The following LAMC2 variants were observed in gnomAD, a reference collection of about 807,000 sequenced individuals.
The protein encoded by LAMC2 is laminin subunit gamma 2.
A neutral mutation model predicts 140.2 loss-of-function variants in LAMC2; 97 were observed. The ratio of observed to expected loss-of-function variants is 0.69; its 90% CI spans 0.59 to 0.82. The LOEUF is 0.82. Among genes scored for constraint, LAMC2 ranks in the 40% least tolerant of loss-of-function variants. LAMC2 has a pLI of 0.00. For synonymous variants in LAMC2, 513 were observed against 540.2 expected (o/e 0.95, Z 0.70); for missense variants, 1,402 against 1,476.1 (o/e 0.95, Z 0.82).
At chr1:183,191,766 G>A (rs1571497714) in intron 1 of LAMC2, among the ~76,000 whole-genome samples, 1 of 152,156 alleles carries the variant, frequency 6.6e-6, no homozygotes, top group African/African-American at 2.4e-5. Flanking sequence ...GGCTGAGGCA[G>A]GGGGACTGCT....
intron 22 of LAMC2, among the ~76,000 whole-genome samples, chr1:183,242,326 T>C (rs1660153197): frequency 6.6e-6 from 1 of 152,206 alleles, no homozygotes; most frequent in Non-Finnish European, 1.5e-5. Context: ...CTCTCTTAAG[T>C]CCTGGAGCAA....
rs1481217198 is a variant in LAMC2, at chr1:183,239,392, A to G, written c.2898A>G (p.Lys966=). 1 of 1,614,212 alleles carries G rather than the reference A, an allele frequency of 6.2e-7. No individual in the cohort carries two copies. ...REFDLQVDNR[K]AEAEEAMKRL... is the part of the protein sequence containing the mutation. Reference sequence around the variant, plus strand: ...TTGACCTGCAGGTGGACAACAGAAAAGCAGAAGCTGAAGAAGCCATGAAGA... The same window carrying G: ...TTGACCTGCAGGTGGACAACAGAAAGGCAGAAGCTGAAGAAGCCATGAAGA... Residue 966 remains lysine, a synonymous_variant, in exon 20 of 23, where the codon AAA becomes AAG. Coordinates refer to ENST00000264144, the MANE Select transcript of LAMC2 (RefSeq NM_005562.3).
Position 183,239,538 on chromosome 1 carries a change from T to C in LAMC2, c.3044T>C (p.Leu1015Pro). 6.2e-7 allele frequency: 1 copy of C among 1,613,602 alleles called. No homozygotes were observed. Among genetic ancestry groups the C allele is most frequent in the Non-Finnish European group, 8.5e-7 (1 of 1,179,846 alleles). ...GCAAAGAATGGGGCCGGGGAGGCCC[T>C]GGAAATCTCCAGTGAGATTGAACAG... ...QRAKNGAGEA[L>P]EISSEIEQEI... Residue 1015 changes from leucine (L) to proline (P), a missense_variant, in exon 20 of 23, where the codon CTG becomes CCG. Physicochemically the swap from Leu to Pro is moderately conservative, Grantham distance 98. Transcript: ENST00000264144.
the LAMC2 span, chr1:183,252,434 C>T: frequency 2.9e-6 from 1 of 347,786 alleles, no homozygotes; most frequent in Admixed American, 3.8e-5. Flanking sequence ...CCACCCCCAA[C>T]CCGGAGACTA....
chr1:183,236,444 C>A lies in LAMC2; in HGVS notation c.2457-16C>A. On this transcript the variant is annotated splice_polypyrimidine_tract_variant and intron_variant, in intron 16 of 22. Coordinates refer to ENST00000264144, the MANE Select transcript of LAMC2 (RefSeq NM_005562.3). ...TCCTCTTTTTATTACCGCCCCCTCC[C>A]CACCCCCAACACCAGATTGGAGAAA... The A allele has an allele frequency of 1.2e-6, 2 of 1,612,530 alleles. No individual in the cohort carries two copies. Among genetic ancestry groups the A allele is most frequent in the African/African-American group, 2.7e-5 (2 of 74,848 alleles).
chr1:183,219,492 A>G (rs146909043), intron 4 of LAMC2, among the ~76,000 whole-genome samples: 51 of 152,250 alleles, frequency 3.3e-4, no homozygotes, highest in Non-Finnish European at 8.8e-5. Flanking sequence ...AGAAGTGACC[A>G]CTATTCTGAC....
rs778468583 is a variant in LAMC2, at chr1:183,222,238, G to A, written c.763+27G>A. On this transcript the variant is annotated intron_variant, in intron 6 of 22. Transcript: ENST00000264144. ...TATGTGAGGAATAATGTCTCCTATA[G>A]AGGCCAGCTTATAGGACTAGGAAGT... The A allele has an allele frequency of 7.5e-6, 12 of 1,609,634 alleles. No individual in the cohort carries two copies. The East Asian group carries it at 2.2e-4, about 30-fold the overall frequency.
chr1:183,252,647 G>A, the LAMC2 span: 10 of 1,612,042 alleles, frequency 6.2e-6, no homozygotes, highest in South Asian at 7.7e-5. Flanking sequence ...GCTGCTAGCC[G>A]GAGGCATTGA....
intron 22 of LAMC2, 46 bp downstream of exon 22, chr1:183,240,437 G>C (rs760309469): frequency 6.2e-7 from 1 of 1,611,036 alleles, no homozygotes; most frequent in Admixed American, 1.7e-5. Flanking sequence ...ATGCTCCAGG[G>C]CTTTGCTCCA....
chr1:183,236,330 A>C, intron 16 of LAMC2, 130 bp from the exon 17 acceptor site: 1 of 825,220 alleles, frequency 1.2e-6, no homozygotes, highest in Non-Finnish European at 1.9e-6. Flanking sequence ...ATGAGGCTAT[A>C]GTGAGCTGTG....
intron 8 of LAMC2, among the ~76,000 whole-genome samples, chr1:183,225,928 T>C (rs908423431): frequency 2.0e-5 from 3 of 152,122 alleles, no homozygotes; most frequent in South Asian, 2.1e-4. Context: ...CCAGCACCAA[T>C]GAAGAGTAAA....
At position 183,244,257 on chromosome 1, in the gene LAMC2, G is replaced by T. The variant is rs747313016; in HGVS notation, c.*857G>T. Reference sequence around the variant, plus strand: ...TAGTCCTAATTCAATCCTACTTTTCGAACACCAAAAATGATGCGCATCAAT... The same window carrying T: ...TAGTCCTAATTCAATCCTACTTTTCTAACACCAAAAATGATGCGCATCAAT... On this transcript the variant is annotated 3_prime_UTR_variant, in exon 23 of 23. Coordinates refer to ENST00000264144, the MANE Select transcript of LAMC2 (RefSeq NM_005562.3). 6.6e-6 allele frequency: 1 copy of T among 152,034 alleles called. No homozygotes were observed. The highest frequency in any genetic ancestry group is 1.5e-5 in the Non-Finnish European group (1 of 68,016). 9.4% of individuals were successfully genotyped at this position (152,034 alleles called of 1,614,324 possible).
Position 183,225,229 on chromosome 1 carries a change from T to A in LAMC2, c.954-379T>A, listed in dbSNP as rs183519542. Among the ~76,000 whole-genome samples, 742 of 152,194 alleles carry A rather than the reference T, an allele frequency of 4.9e-3. 4 individuals carry two copies. The highest frequency in any genetic ancestry group is 0.017 in the African/African-American group (697 of 41,520). Reference sequence around the variant, plus strand: ...TCAGATAACAAATAAATGATTTTTTTTAAAAAAAATGAATAGTAGCTCTTG... The same window carrying A: ...TCAGATAACAAATAAATGATTTTTTATAAAAAAAATGAATAGTAGCTCTTG... On this transcript the variant is annotated intron_variant, in intron 7 of 22. Transcript: ENST00000264144.
chr1:183,243,552 G>T lies in LAMC2; in HGVS notation c.*152G>T, dbSNP rs1369999971. 3.3e-6 allele frequency: 3 copies of T among 921,660 alleles called. No homozygotes were observed. In the East Asian group the frequency reaches 7.4e-5, roughly 23 times the overall value. The allele number at this position is 921,660 out of a possible 1,614,324, so 57.1% of individuals were successfully genotyped here. A position where few individuals can be genotyped will look rare whatever the true frequency, so the allele number is the denominator to read the frequency against. ...ACCTGACCCCATTCCTGATCCCATG[G>T]CCAGGTGGTTGTCTTATTGCACCAT... is the stretch of plus-strand genomic sequence containing the variant. On this transcript the variant is annotated 3_prime_UTR_variant, in exon 23 of 23. Transcript: ENST00000264144.
At chr1:183,194,846 C>T (rs1357074049) in intron 1 of LAMC2, among the ~76,000 whole-genome samples, 2 of 152,204 alleles carry the variant, frequency 1.3e-5, no homozygotes, top group Non-Finnish European at 2.9e-5. Flanking sequence ...GAATGCTTTT[C>T]TTTGTAGGTA....
intron 11 of LAMC2, 85 bp from the exon 12 acceptor site, chr1:183,230,876 C>A: frequency 6.7e-7 from 1 of 1,489,084 alleles, no homozygotes. Context: ...CTGTTGGAGG[C>A]TTGATCTCCT....
At chr1:183,240,455 C>T (rs1660101578) in intron 22 of LAMC2, 64 bp downstream of exon 22, 19 of 1,599,160 alleles carry the variant, frequency 1.2e-5, no homozygotes, top group Non-Finnish European at 1.6e-5. Flanking sequence ...CCAGAACACT[C>T]ACTATACCTA....
chr1:183,255,175 C>T, the LAMC2 span, among the ~76,000 whole-genome samples: 1 of 152,262 alleles, frequency 6.6e-6, no homozygotes, highest in East Asian at 1.9e-4. Flanking sequence ...AAGAGACTGT[C>T]CTCTCTTTAT....
chr1:183,246,537 G>A (rs756510757), downstream of LAMC2, among the ~76,000 whole-genome samples: 6 of 152,150 alleles, frequency 3.9e-5, no homozygotes, highest in African/African-American at 7.2e-5. Context: ...TAACTGTTAG[G>A]GACCTCTGTT....
Sources: gnomAD v4.1 joint callset for allele counts (sites outside exome capture counted in the v4.1 genomes callset) on GRCh38, gnomAD v4.1.1 for gene constraint, MANE v1.5 for transcripts, NCBI Gene and HGNC (gene_info 2026-07-23, HGNC 2026-07-21) for gene names.